Variants in TTN observed in about 807,000 individuals in gnomAD.
The protein encoded by TTN is titin, also known as connectin.
TTN carries 1,525 observed loss-of-function variants against 3,223.0 expected under a neutral mutation model. That is an observed-to-expected ratio of 0.47 (90% CI 0.45 to 0.49). The LOEUF is 0.49. TTN is among the 20% of genes least tolerant of loss of function. The probability of loss-of-function intolerance (pLI) is 0.00; values close to 1 mark genes in which losing one functional copy is unlikely to be tolerated. For missense variants in TTN, 40,786 were observed against 43,424.0 expected (o/e 0.94, Z 5.40); for synonymous variants, 14,094 against 15,161.0 (o/e 0.93, Z 5.17).
rs201951252 is a variant in TTN, at chr2:178,729,711, C to A, written c.18542G>T (p.Arg6181Leu). Reference protein sequence around the residue: ...ENSGTYVCEARNDAGTASCSI... With the variant: ...ENSGTYVCEALNDAGTASCSI... ...GCAGCTCGCCGTGCCTGCGTCATTT[C>A]GAGCTTCACACACATAAGTCCCACT... Residue 6181 changes from arginine (R) to leucine (L), a missense_variant, in exon 63 of 363, where the codon CGA becomes CTA. Physicochemically the swap from Arg to Leu is moderately radical, Grantham distance 102. Transcript: ENST00000589042. 2 of 1,613,632 alleles carry A rather than the reference C, an allele frequency of 1.2e-6. No homozygotes were observed. Among genetic ancestry groups the A allele is most frequent in the Admixed American group, 3.3e-5 (2 of 59,986 alleles).
Position 178,720,410 on chromosome 2 carries a change from C to T in TTN, c.23352G>A (p.Thr7784=), listed in dbSNP as rs745476881. 15 of 1,612,830 alleles carry T rather than the reference C, an allele frequency of 9.3e-6. No individual in the cohort carries two copies. The highest frequency in any genetic ancestry group is 2.7e-5 in the African/African-American group (2 of 74,842). ...CKATNEVGSD[T]CSCSVKFKEP... ...CTTTGAACTTGACAGAGCAAGAACACGTGTCACTTCCCACCTCATTAGTAG... is the reference window on the plus strand; with the variant it reads ...CTTTGAACTTGACAGAGCAAGAACATGTGTCACTTCCCACCTCATTAGTAG... Residue 7784 remains threonine, a synonymous_variant, in exon 80 of 363, where the codon ACG becomes ACA. Coordinates refer to ENST00000589042, the MANE Select transcript of TTN (RefSeq NM_001267550.2).
Position 178,802,315 on chromosome 2 carries a change from A to C in TTN, c.118T>G (p.Phe40Val). 1 of 1,614,110 alleles carries C rather than the reference A, an allele frequency of 6.2e-7. No individual in the cohort carries two copies. Among genetic ancestry groups the C allele is most frequent in the Non-Finnish European group, 8.5e-7 (1 of 1,180,008 alleles). ...GTGGAAATCACCTGGCCATCCCTAAACCAGCTCACCTCAGGAACTGGAAAA... is the reference window on the plus strand; with the variant it reads ...GTGGAAATCACCTGGCCATCCCTAACCCAGCTCACCTCAGGAACTGGAAAA... Reference protein sequence around the residue: ...SGFPVPEVSWFRDGQVISTST... With the variant: ...SGFPVPEVSWVRDGQVISTST... Residue 40 changes from phenylalanine to valine, a missense_variant, in exon 3 of 363, where the codon TTT becomes GTT. Physicochemically the swap from Phe to Val is conservative, Grantham distance 50. Coordinates refer to ENST00000589042, the MANE Select transcript of TTN (RefSeq NM_001267550.2).
Position 178,650,784 on chromosome 2 carries a change from C to A in TTN, c.39676G>T (p.Val13226Phe), listed in dbSNP as rs886042394. The stretch of plus-strand genomic sequence containing the variant: ...GGAGGAGACTCCGCTCTTTCTGGAA[C>A]AGGAACAGCTGGTTTCTCTTCCAAG... ...PVLEEKPAVPVPERAESPPPE... is the reference protein window; with the variant it reads ...PVLEEKPAVPFPERAESPPPE... The change falls in exon 209 of 363, where the codon GTT (valine) becomes TTT (phenylalanine). Residue 13226 changes from valine (V) to phenylalanine (F), a missense_variant. Val to Phe is a conservative substitution (Grantham distance 50). Coordinates refer to ENST00000589042, the MANE Select transcript of TTN (RefSeq NM_001267550.2). 1.2e-5 allele frequency: 19 copies of A among 1,607,814 alleles called. No individual in the cohort carries two copies. The highest frequency in any genetic ancestry group is 1.6e-5 in the Non-Finnish European group (19 of 1,177,136).
At chr2:178,724,606 A>G in intron 71 of TTN, 68 bp from the exon 72 acceptor site, 1 of 1,444,950 alleles carries the variant, frequency 6.9e-7, no homozygotes, top group African/African-American at 1.4e-5. Context: ...TATCACATTC[A>G]CTAAGATTGT....
At position 178,611,500 on chromosome 2, in the gene TTN, A is replaced by G. The variant is rs1161195119; in HGVS notation, c.50729T>C (p.Leu16910Ser). 1 of 1,612,952 alleles carries G rather than the reference A, an allele frequency of 6.2e-7. No homozygotes were observed. Among genetic ancestry groups the G allele is most frequent in the Non-Finnish European group, 8.5e-7 (1 of 1,179,288 alleles). ...AACACCTTCTTCAACCTTGAATTTC[A>G]AGTCCTTTATTGGGCGAGAATTAAC... ...MRVNSRPIKD[L>S]KFKVEEGVVP... The change falls in exon 269 of 363, where the codon TTG becomes TCG. Residue 16910 changes from leucine (L) to serine (S), a missense_variant. Coordinates refer to ENST00000589042, the MANE Select transcript of TTN (RefSeq NM_001267550.2).
chr2:178,675,371 T>G (rs2067839239), intron 149 of TTN: 1 of 383,924 alleles, frequency 2.6e-6, no homozygotes, highest in Non-Finnish European at 4.5e-6. Flanking sequence ...TTTTTTTTTT[T>G]GTAGGAAGAA....
chr2:178,774,242 T>A lies in TTN; in HGVS notation c.7022A>T (p.Asp2341Val). The A allele has an allele frequency of 6.2e-7, 1 of 1,614,146 alleles. No individual in the cohort carries two copies. Among genetic ancestry groups the A allele is most frequent in the Non-Finnish European group, 8.5e-7 (1 of 1,179,988 alleles). ...TAATTTACAGGTTGTCTTTTTCCCG[T>A]CGATGACAAAGCTGTATTCTCCCTG... ...EDQGEYSFVI[D>V]GKKTTCKLKM... The change falls in exon 30 of 363, where the codon GAC becomes GTC. Residue 2341 changes from aspartate to valine, a missense_variant. By Grantham distance (152) the Asp-to-Val change is radical (BLOSUM62 -3). Transcript: ENST00000589042.
At position 178,610,274 on chromosome 2, in the gene TTN, C is replaced by T. The variant is rs759181976; in HGVS notation, c.51252G>A (p.Leu17084=). Residue 17084 remains leucine (L), a synonymous_variant, in exon 271 of 363, where the codon CTG becomes CTA. Transcript: ENST00000589042. Reference sequence around the variant, plus strand: ...TTCTCCTCCCAGCTTCTCTGCGCTCCAGGACATAATGAAGAATTGGGGTTC... The same window carrying T: ...TTCTCCTCCCAGCTTCTCTGCGCTCTAGGACATAATGAAGAATTGGGGTTC... The part of the protein sequence containing the change: ...DGGTPILHYV[L]ERREAGRRTY... 1.9e-6 allele frequency: 3 copies of T among 1,612,986 alleles called. No homozygotes were observed. The highest frequency in any genetic ancestry group is 2.2e-5 in the South Asian group (2 of 91,048).
rs56340968 is a variant in TTN, at chr2:178,568,812, C to T, written c.77320G>A (p.Val25774Ile). 8 of 1,613,092 alleles carry T rather than the reference C, an allele frequency of 5.0e-6. No homozygotes were observed. In the African/African-American group the frequency reaches 8.0e-5, roughly 16 times the overall value. Reference sequence around the variant, plus strand: ...GGATCACTTCTCCCCTTTTCATTTACAGCAACAACTCTAAAAAGATATTCT... The same window carrying T: ...GGATCACTTCTCCCCTTTTCATTTATAGCAACAACTCTAAAAAGATATTCT... ...GEEYLFRVVA[V>I]NEKGRSDPRS... The change falls in exon 326 of 363, where the codon GTA becomes ATA. Residue 25774 changes from valine to isoleucine, a missense_variant. Val to Ile is a conservative substitution (Grantham distance 29). Transcript: ENST00000589042.
At position 178,727,700 on chromosome 2, in the gene TTN, CCCTT is replaced by C; in HGVS notation, c.19874_19877del (p.Glu6625GlyfsTer6). ...AGTAGAGATTTAAGAAGCTAGTCGA[CCCTT>C]CCAAGCCAATGAAACATTTAGGACC... On this transcript the variant is annotated frameshift_variant, in exon 68 of 363. Coordinates refer to ENST00000589042, the MANE Select transcript of TTN (RefSeq NM_001267550.2). LOFTEE classifies it high-confidence loss of function. 1 of 1,613,264 alleles carries C rather than the reference CCCTT, an allele frequency of 6.2e-7. No homozygotes were observed. The highest frequency in any genetic ancestry group is 8.5e-7 in the Non-Finnish European group (1 of 1,179,416).
chr2:178,674,091 A>G (rs1006065677), intron 151 of TTN, among the ~76,000 whole-genome samples: 1 of 151,842 alleles, frequency 6.6e-6, no homozygotes, highest in African/African-American at 2.4e-5. Context: ...TTCAATCGCC[A>G]ATAACAAAAT....
chr2:178,577,827 A>G lies in TTN; in HGVS notation c.68599T>C (p.Tyr22867His), dbSNP rs368484355. ...CCAGTTAACTTATGACCACCGTCAT[A>G]TTTAGGTTCAGTCCAAATGAGAGTC... ...SVTLIWTEPK[Y>H]DGGHKLTGYI... is the part of the protein sequence containing the mutation. The change falls in exon 323 of 363, where the codon TAT becomes CAT. Residue 22867 changes from tyrosine to histidine, a missense_variant. Physicochemically the swap from Tyr to His is moderately conservative, Grantham distance 83 (BLOSUM62 2). Coordinates refer to ENST00000589042, the MANE Select transcript of TTN (RefSeq NM_001267550.2). 30 of 1,610,920 alleles carry G rather than the reference A, an allele frequency of 1.9e-5. No individual in the cohort carries two copies. The highest frequency in any genetic ancestry group is 2.7e-5 in the African/African-American group (2 of 74,812).
In TTN at chr2:178,799,698, C is replaced by T; in HGVS notation, c.703G>A (p.Ala235Thr). The T allele has an allele frequency of 6.2e-7, 1 of 1,614,126 alleles. No individual in the cohort carries two copies. The highest frequency in any genetic ancestry group is 8.5e-7 in the Non-Finnish European group (1 of 1,180,006). The change falls in exon 6 of 363, where the codon GCA becomes ACA. Residue 235 changes from alanine (A) to threonine (T), a missense_variant. Physicochemically the swap from Ala to Thr is moderately conservative, Grantham distance 58. Transcript: ENST00000589042. ...IEAHFDARSI[A>T]TVEMVIDGAA... ...CCATCTATGACCATCTCAACTGTTG[C>T]AATTGATCTGGCATCAAAGTGGGCT...
chr2:178,717,260 C>A lies in TTN; in HGVS notation c.25474G>T (p.Asp8492Tyr), dbSNP rs770655555. Residue 8492 changes from aspartate (D) to tyrosine (Y), a missense_variant, in exon 88 of 363, where the codon GAT (aspartate) becomes TAT (tyrosine). By Grantham distance (160) the Asp-to-Tyr change is radical (BLOSUM62 -3). Transcript: ENST00000589042. ...CCTCCAGGGCGAATCTCTCGGTTAT[C>A]TTTGGCCCAAGTGATTTTGATTGGT... Reference protein sequence around the residue: ...TAPIKITWAKDNREIRPGGNY... With the variant: ...TAPIKITWAKYNREIRPGGNY... The A allele has an allele frequency of 6.2e-7, 1 of 1,613,604 alleles. No homozygotes were observed. The highest frequency in any genetic ancestry group is 1.3e-5 in the African/African-American group (1 of 74,912).
At chr2:178,628,750 T>C (rs964553943) in intron 240 of TTN, 1 of 152,246 alleles carries the variant, frequency 6.6e-6, no homozygotes, top group Non-Finnish European at 1.5e-5. Flanking sequence ...AATAGTCCAC[T>C]TGCATTCCAG....
chr2:178,780,774 A>G (rs1279229742), intron 21 of TTN, among the ~76,000 whole-genome samples: 1 of 152,188 alleles, frequency 6.6e-6, no homozygotes, highest in Non-Finnish European at 1.5e-5. Context: ...TGTCTCTTTG[A>G]GGCAGGGCAC....
intron 316 of TTN, among the ~76,000 whole-genome samples, 167 bp downstream of exon 316, chr2:178,581,332 T>A (rs115441856): frequency 7.0e-4 from 106 of 152,174 alleles, no homozygotes; most frequent in Non-Finnish European, 1.3e-3. Flanking sequence ...TTGATTTGCC[T>A]GTTCCACAAT....
rs1559419207 is a variant in TTN, at chr2:178,572,877, C to G, written c.73255G>C (p.Ala24419Pro). ...TCTGGAGGCAGCATTCTGTCTTCAG[C>G]CTTTGGAGTTCCAGGAACAAGGGCA... ...EPALVPGTPK[A>P]EDRMLPPEIE... is the part of the protein sequence containing the mutation. Residue 24419 changes from alanine to proline, a missense_variant, in exon 326 of 363, where the codon GCT becomes CCT. Coordinates refer to ENST00000589042, the MANE Select transcript of TTN (RefSeq NM_001267550.2). The G allele has an allele frequency of 3.7e-6, 6 of 1,613,406 alleles. No homozygotes were observed. Among genetic ancestry groups the G allele is most frequent in the East Asian group, 2.2e-5 (1 of 44,712 alleles).
chr2:178,789,625 T>C (rs1574859536), intron 12 of TTN, 128 bp from the exon 13 acceptor site: 2 of 1,281,470 alleles, frequency 1.6e-6, no homozygotes, highest in Non-Finnish European at 2.2e-6. Flanking sequence ...AGAAATAAAC[T>C]TTCACCGGCA....
Sources: allele counts gnomAD v4.1 joint callset (sites outside exome capture counted in the v4.1 genomes callset), GRCh38; gene constraint gnomAD v4.1.1; transcripts MANE v1.5; gene names NCBI Gene and HGNC (gene_info 2026-07-23, HGNC 2026-07-21).